The following ATP10B variants were observed in gnomAD, a reference collection of about 807,000 sequenced individuals.
ATP10B encodes ATPase phospholipid transporting 10B (putative).
In ATP10B, 122 loss-of-function variants were observed where a neutral mutation model predicts 141.2. The ratio of observed to expected loss-of-function variants is 0.86; its 90% confidence interval spans 0.75 to 1.00. ATP10B has a LOEUF of 1.00. Among genes scored for constraint, ATP10B ranks in the 50% least tolerant of loss-of-function variants. The pLI is 0.00. For missense variants in ATP10B, 1,876 were observed against 1,825.3 expected (o/e 1.03, Z -0.51); for synonymous variants, 685 against 692.0 (o/e 0.99, Z 0.16).
intron 20 of ATP10B, chr5:160,603,248 T>C (rs1032337778): frequency 3.2e-5 from 5 of 155,088 alleles, no homozygotes; most frequent in African/African-American, 9.6e-5. Flanking sequence ...AGTCCTGGTA[T>C]AAACTTTGGT....
chr5:160,593,535 T>G (rs1756470179), intron 22 of ATP10B, among the ~76,000 whole-genome samples: 2 of 152,240 alleles, frequency 1.3e-5, no homozygotes, highest in African/African-American at 4.8e-5. Context: ...AGGAACGTAG[T>G]TCCTCACCAG....
chr5:160,735,186 A>C (rs1417453824), intron 2 of ATP10B, among the ~76,000 whole-genome samples: 3 of 151,852 alleles, frequency 2.0e-5, no homozygotes, highest in Non-Finnish European at 4.4e-5. Context: ...AAATGGACTA[A>C]AATCTCTAAT....
intron 2 of ATP10B, among the ~76,000 whole-genome samples, chr5:160,781,504 C>T (rs181998287): frequency 1.3e-5 from 2 of 152,046 alleles, no homozygotes; most frequent in African/African-American, 4.8e-5. Flanking sequence ...TTGAAAACCA[C>T]CCTTGCTGCT....
chr5:160,587,218 T>G (rs4921151), intron 24 of ATP10B, among the ~76,000 whole-genome samples: 113,118 of 152,072 alleles, frequency 0.74, 42,174 homozygotes, highest in East Asian at 0.85. Context: ...AGGGAATCTT[T>G]TCCCCATTGC....
At chr5:160,628,071 C>G (rs1367195098) in intron 13 of ATP10B, among the ~76,000 whole-genome samples, 2 of 152,234 alleles carry the variant, frequency 1.3e-5, no homozygotes, top group African/African-American at 2.4e-5. Context: ...TTTGTCCTGT[C>G]TAAGGCTCTG....
chr5:160,608,834 C>T lies in ATP10B; in HGVS notation c.2839-1748G>A, dbSNP rs1438245046. 8.5e-5 allele frequency among the ~76,000 whole-genome samples: 13 copies of T among 152,202 alleles called. No homozygotes were observed. In the East Asian group the frequency reaches 2.5e-3, roughly 29 times the overall value. On this transcript the variant is annotated intron_variant, in intron 18 of 25. Transcript: ENST00000327245. ...TCTTTGTAGATTCTGGATATTAGCC[C>T]TTTGTCAGATGGGTAGATTGCAAAA...
At chr5:160,921,043 C>T in the ATP10B span, among the ~76,000 whole-genome samples, 12 of 152,098 alleles carry the variant, frequency 7.9e-5, no homozygotes, top group South Asian at 2.1e-4. Context: ...AACAAAGACA[C>T]GACACCCGCT....
intron 24 of ATP10B, among the ~76,000 whole-genome samples, chr5:160,570,118 G>T (rs1314186441): frequency 6.6e-6 from 1 of 151,402 alleles, no homozygotes; most frequent in Non-Finnish European, 1.5e-5. Flanking sequence ...TCTGTTTTTT[G>T]ATCGTATTTT....
At chr5:160,707,428 C>T (rs1765082726) in intron 3 of ATP10B, among the ~76,000 whole-genome samples, 1 of 152,196 alleles carries the variant, frequency 6.6e-6, no homozygotes, top group African/African-American at 2.4e-5. Flanking sequence ...CCAATCACAA[C>T]TTTCTTGCTC....
chr5:160,841,849 C>T (rs1229333630), intron 1 of ATP10B, among the ~76,000 whole-genome samples: 1 of 152,146 alleles, frequency 6.6e-6, no homozygotes, highest in Non-Finnish European at 1.5e-5. Context: ...CTCAGCCTCC[C>T]AAGTAGCTGG....
At chr5:160,616,010 A>G in intron 16 of ATP10B, 46 bp from the exon 17 acceptor site, 1 of 1,573,510 alleles carries the variant, frequency 6.4e-7, no homozygotes, top group Non-Finnish European at 8.7e-7. Flanking sequence ...GTGGACCAAC[A>G]AGATAATTTC....
At chr5:160,821,111 T>C (rs1774069145) in intron 1 of ATP10B, among the ~76,000 whole-genome samples, 1 of 152,110 alleles carries the variant, frequency 6.6e-6, no homozygotes, top group South Asian at 2.1e-4. Context: ...TATTTGGAAA[T>C]ACCTAAAGAC....
intron 22 of ATP10B, among the ~76,000 whole-genome samples, chr5:160,595,666 G>C (rs144172237): frequency 0.19 from 28,519 of 149,910 alleles, 3,385 homozygotes; most frequent in Non-Finnish European, 0.27. Context: ...AAGAAAAAAA[G>C]AGAGAAGAAT....
At chr5:160,755,827 AAAAAAAAAAAAATATATATAT>A (rs1196405186) in intron 2 of ATP10B, among the ~76,000 whole-genome samples, 4 of 63,698 alleles carry the variant, frequency 6.3e-5, no homozygotes, top group African/African-American at 3.4e-4. Context: ...AAAAAAAAAA[AAAAAAAAAAAAATATATATAT>A]ATATATATAT....
chr5:160,572,345 A>G (rs1754930112), intron 24 of ATP10B, among the ~76,000 whole-genome samples: 1 of 152,140 alleles, frequency 6.6e-6, no homozygotes, highest in Non-Finnish European at 1.5e-5. Context: ...AGCTCTTAAA[A>G]TTCTTGTTAT....
chr5:160,678,105 G>A (rs188447216), intron 6 of ATP10B, among the ~76,000 whole-genome samples: 5 of 152,298 alleles, frequency 3.3e-5, no homozygotes, highest in Admixed American at 3.3e-4. Flanking sequence ...CCTCTAGACA[G>A]TTTTGCTGAA....
the ATP10B span, among the ~76,000 whole-genome samples, chr5:160,874,239 G>T: frequency 7.3e-6 from 1 of 137,368 alleles, no homozygotes; most frequent in African/African-American, 2.6e-5. Context: ...TGACCCCTGA[G>T]CAGGCTAACT....
chr5:160,722,185 A>G (rs561008094), intron 2 of ATP10B, among the ~76,000 whole-genome samples: 1 of 152,358 alleles, frequency 6.6e-6, no homozygotes, highest in African/African-American at 2.4e-5. Flanking sequence ...TGGGTTAAAC[A>G]TCTCATAATT....
At chr5:160,913,396 A>C in the ATP10B span, among the ~76,000 whole-genome samples, 29 of 152,156 alleles carry the variant, frequency 1.9e-4, no homozygotes, top group Non-Finnish European at 2.9e-4. Context: ...TTGTTGGATC[A>C]TGGAGGCCAC....
Sources: gnomAD v4.1 joint callset for allele counts (sites outside exome capture counted in the v4.1 genomes callset) on GRCh38, gnomAD v4.1.1 for gene constraint, MANE v1.5 for transcripts, NCBI Gene and HGNC (gene_info 2026-07-23, HGNC 2026-07-21) for gene names.